The following FHIT variants were observed in gnomAD, a reference collection of about 807,000 sequenced individuals.
FHIT encodes the protein fragile histidine triad diadenosine triphosphatase, also known as bis(5'-adenosyl)-triphosphatase.
FHIT carries 19 observed loss-of-function variants against 17.9 expected under a neutral mutation model. The observed-to-expected ratio is 1.06, with a 90% CI of 0.74 to 1.56. The LOEUF (loss-of-function observed/expected upper bound fraction) is 1.56, where lower values mean the gene tolerates loss of function less well. Among genes scored for constraint, FHIT ranks in the 40% most tolerant of loss-of-function variants. FHIT has a pLI of 0.00. For synonymous variants in FHIT, 81 were observed against 69.7 expected, an observed-to-expected ratio of 1.16 and a Z score of -0.81; for missense variants, 248 against 189.2, an observed-to-expected ratio of 1.31 and a Z score of -1.82.
chr3:59,793,303 C>G (rs1235769407), intron 8 of FHIT, among the ~76,000 whole-genome samples: 1 of 152,152 alleles, frequency 6.6e-6, no homozygotes, highest in East Asian at 1.9e-4. Context: ...AATAATGAAG[C>G]AGCCTGTTTT....
At chr3:60,732,314 AT>A in intron 4 of FHIT, 1 of 944,712 alleles carries the variant, frequency 1.1e-6, no homozygotes. Flanking sequence ...ACTGGGAACC[AT>A]TTGTGTTGGG....
intron 5 of FHIT, among the ~76,000 whole-genome samples, chr3:60,127,654 T>C (rs1400636554): frequency 6.6e-6 from 1 of 152,144 alleles, no homozygotes; most frequent in East Asian, 1.9e-4. Flanking sequence ...CTGGCTGGAG[T>C]GCAGTAGCAT....
chr3:60,211,038 C>T (rs1381073518), intron 5 of FHIT, among the ~76,000 whole-genome samples: 2 of 119,222 alleles, frequency 1.7e-5, no homozygotes, highest in Admixed American at 1.9e-4. Context: ...AAACATGGTA[C>T]ATCCCCCATG....
intron 5 of FHIT, 30 bp from the exon 6 acceptor site, chr3:60,014,182 G>A (rs937029824): frequency 1.2e-6 from 2 of 1,611,466 alleles, no homozygotes; most frequent in Non-Finnish European, 1.7e-6. Context: ...GGCCCATGCT[G>A]CTGGCTTTGG....
intron 5 of FHIT, among the ~76,000 whole-genome samples, chr3:60,441,805 T>TAAAA (rs2030899035): frequency 2.4e-5 from 3 of 127,108 alleles, no homozygotes; most frequent in Non-Finnish European, 4.9e-5. Context: ...TATATATATA[T>TAAAA]ATATATATAT....
At chr3:60,901,661 C>T (rs1706120197) in intron 3 of FHIT, among the ~76,000 whole-genome samples, 1 of 152,196 alleles carries the variant, frequency 6.6e-6, no homozygotes, top group African/African-American at 2.4e-5. Context: ...CTGCTAACAT[C>T]TGATATCTTT....
At chr3:60,850,839 G>C (rs1421223151) in intron 3 of FHIT, among the ~76,000 whole-genome samples, 1 of 152,026 alleles carries the variant, frequency 6.6e-6, no homozygotes, top group African/African-American at 2.4e-5. Context: ...TCATTACTTT[G>C]AATAGCATCT....
chr3:60,558,988 C>A (rs1292036991), intron 4 of FHIT, among the ~76,000 whole-genome samples: 2 of 152,170 alleles, frequency 1.3e-5, no homozygotes, highest in African/African-American at 4.8e-5. Flanking sequence ...TAACAAACTT[C>A]TAGCATTGAA....
chr3:60,999,409 G>C (rs2030907349), intron 3 of FHIT, among the ~76,000 whole-genome samples: 1 of 151,116 alleles, frequency 6.6e-6, no homozygotes, highest in Admixed American at 6.6e-5. Context: ...TCAAACACTG[G>C]AGAGAAATGC....
intron 5 of FHIT, among the ~76,000 whole-genome samples, chr3:60,253,629 C>A (rs1411281575): frequency 1.3e-5 from 2 of 152,152 alleles, no homozygotes; most frequent in African/African-American, 4.8e-5. Context: ...ACCTGAGGTT[C>A]TTCTCTGGAT....
intron 5 of FHIT, among the ~76,000 whole-genome samples, chr3:60,399,617 C>A (rs1701584437): frequency 6.6e-6 from 1 of 152,118 alleles, no homozygotes; most frequent in African/African-American, 2.4e-5. Flanking sequence ...GGTGAATATT[C>A]TCTTTCAGAG....
At chr3:60,792,165 T>C (rs1700801083) in intron 4 of FHIT, among the ~76,000 whole-genome samples, 1 of 152,210 alleles carries the variant, frequency 6.6e-6, no homozygotes, top group South Asian at 2.1e-4. Flanking sequence ...CTCACACTCC[T>C]CTTGCATAAA....
intron 5 of FHIT, among the ~76,000 whole-genome samples, chr3:60,387,705 G>A (rs1029827724): frequency 6.6e-6 from 1 of 151,942 alleles, no homozygotes; most frequent in Admixed American, 6.6e-5. Context: ...GTCACCACAG[G>A]CCTTTGAAGC....
chr3:59,994,121 G>C (rs1047677266), intron 7 of FHIT, among the ~76,000 whole-genome samples: 17 of 152,010 alleles, frequency 1.1e-4, no homozygotes, highest in African/African-American at 3.9e-4. Context: ...GGAAGAAGCA[G>C]AGCAATATTT....
chr3:59,876,655 G>C (rs73100605), intron 8 of FHIT, among the ~76,000 whole-genome samples: 1 of 152,176 alleles, frequency 6.6e-6, no homozygotes, highest in African/African-American at 2.4e-5. Context: ...GACTAGTAGA[G>C]AACACCTCCT....
intron 8 of FHIT, among the ~76,000 whole-genome samples, chr3:59,866,062 C>T (rs951505060): frequency 6.6e-6 from 1 of 152,128 alleles, no homozygotes; most frequent in African/African-American, 2.4e-5. Flanking sequence ...AGACAATAAA[C>T]CCCTGAATAA....
intron 5 of FHIT, among the ~76,000 whole-genome samples, chr3:60,202,660 C>G (rs1702970270): frequency 6.6e-6 from 1 of 152,128 alleles, no homozygotes. Flanking sequence ...CACAAATACT[C>G]ATTATTTATT....
chr3:61,229,361 A>T (rs938923434), intron 1 of FHIT, among the ~76,000 whole-genome samples: 12 of 152,286 alleles, frequency 7.9e-5, no homozygotes, highest in Admixed American at 7.8e-4. Context: ...AGAGGCAAGG[A>T]AGTTTTCTCC....
chr3:60,113,777 G>A (rs891688849), intron 5 of FHIT, among the ~76,000 whole-genome samples: 2 of 150,324 alleles, frequency 1.3e-5, no homozygotes, highest in East Asian at 3.9e-4. Context: ...CGAGGCGAGC[G>A]GATCACGAGG....
Sources: gnomAD v4.1 joint callset for allele counts (sites outside exome capture counted in the v4.1 genomes callset) on GRCh38, gnomAD v4.1.1 for gene constraint, MANE v1.5 for transcripts, NCBI Gene and HGNC (gene_info 2026-07-23, HGNC 2026-07-21) for gene names.